Variants in GRAMD2B observed in about 807,000 individuals in gnomAD.
The protein encoded by GRAMD2B is GRAM domain-containing protein 2B.
A neutral mutation model predicts 59.2 loss-of-function variants in GRAMD2B; 41 were observed. The ratio of observed to expected loss-of-function variants is 0.69; its 90% CI spans 0.54 to 0.90. The LOEUF (loss-of-function observed/expected upper bound fraction) is 0.90, where lower values mean the gene tolerates loss of function less well. Ranked by LOEUF, GRAMD2B falls within the 40% of genes least tolerant of loss-of-function variation. The pLI is 0.00. For synonymous variants in GRAMD2B, 161 were observed against 182.7 expected (o/e 0.88, Z 0.96); for missense variants, 424 against 500.5 (o/e 0.85, Z 1.46).
intron 9 of GRAMD2B, 67 bp downstream of exon 9, chr5:126,483,641 T>TAAAAAA: frequency 1.8e-6 from 1 of 554,602 alleles, no homozygotes; most frequent in Non-Finnish European, 2.9e-6. Flanking sequence ...CCCACCCCCT[T>TAAAAAA]AAAAAAAAAA....
chr5:126,439,275 G>A (rs1231908152), intron 1 of GRAMD2B, among the ~76,000 whole-genome samples: 2 of 150,416 alleles, frequency 1.3e-5, no homozygotes, highest in East Asian at 3.9e-4. Flanking sequence ...TTTCATATAT[G>A]TCTATATGTT....
chr5:126,479,733 A>G (rs1771362778), intron 6 of GRAMD2B, among the ~76,000 whole-genome samples: 1 of 152,254 alleles, frequency 6.6e-6, no homozygotes, highest in South Asian at 2.1e-4. Context: ...TCATTGGTGA[A>G]TGAGAAGGAT....
upstream of GRAMD2B, among the ~76,000 whole-genome samples, chr5:126,422,263 CTT>C (rs1580883100): frequency 6.7e-6 from 1 of 149,386 alleles, no homozygotes; most frequent in East Asian, 2.0e-4. Flanking sequence ...AGTGGTGCAT[CTT>C]GGCCCACCAC....
intron 1 of GRAMD2B, among the ~76,000 whole-genome samples, chr5:126,362,395 T>C (rs186217772): frequency 1.3e-5 from 2 of 152,348 alleles, no homozygotes; most frequent in East Asian, 3.9e-4. Flanking sequence ...TTTAATTTCA[T>C]GCTTTCTAAA....
At chr5:126,471,734 C>T (rs542666277) in intron 3 of GRAMD2B, among the ~76,000 whole-genome samples, 7 of 152,268 alleles carry the variant, frequency 4.6e-5, no homozygotes, top group African/African-American at 1.4e-4. Flanking sequence ...TGTTTTTGCC[C>T]TCTGGTACAG....
intron 1 of GRAMD2B, among the ~76,000 whole-genome samples, chr5:126,363,495 T>C (rs1754313126): frequency 6.6e-6 from 1 of 152,184 alleles, no homozygotes; most frequent in South Asian, 2.1e-4. Context: ...CATAAAAACT[T>C]GTACACAAAT....
chr5:126,464,807 A>G (rs1036093646), intron 1 of GRAMD2B, among the ~76,000 whole-genome samples: 31 of 152,304 alleles, frequency 2.0e-4, no homozygotes, highest in African/African-American at 7.0e-4. Flanking sequence ...AAGGTTTTGC[A>G]GACAGACATA....
chr5:126,442,293 CTT>C (rs11325974), intron 1 of GRAMD2B, among the ~76,000 whole-genome samples: 78 of 140,968 alleles, frequency 5.5e-4, no homozygotes, highest in African/African-American at 1.6e-3. Context: ...TCTTTTTTTT[CTT>C]TTTTTTTTTT....
rs778618661 is a variant in GRAMD2B at position 126,485,669 on chromosome 5, T to C, written c.971-17T>C. Reference sequence around the variant, plus strand: ...GTTATGGTTTTAAACAGTTGTTTTTTGTTTTCCTCCCAACAGGTCTGTCAG... The same window carrying C: ...GTTATGGTTTTAAACAGTTGTTTTTCGTTTTCCTCCCAACAGGTCTGTCAG... On this transcript the variant is annotated splice_polypyrimidine_tract_variant and intron_variant, in intron 10 of 13. Coordinates refer to ENST00000285689, the MANE Select transcript of GRAMD2B (RefSeq NM_023927.4). The C allele has an allele frequency of 1.3e-6, 2 of 1,565,652 alleles. No homozygotes were observed. Among genetic ancestry groups the C allele is most frequent in the Admixed American group, 3.4e-5 (2 of 59,078 alleles).
chr5:126,484,925 C>T (rs1772612891), intron 10 of GRAMD2B, among the ~76,000 whole-genome samples: 1 of 152,138 alleles, frequency 6.6e-6, no homozygotes, highest in Non-Finnish European at 1.5e-5. Context: ...TTTTCATATT[C>T]CCTTTCCTCC....
rs957630299 is a variant in GRAMD2B, at chr5:126,480,826, C to G, written c.735+119C>G. ...GCTTAGGACCAAAATATTTGAGGTA[C>G]AGTTGAAGAAACAGGGCATATCTTC... is the stretch of plus-strand genomic sequence containing the variant. On this transcript the variant is annotated intron_variant, in intron 8 of 13. Coordinates refer to ENST00000285689, the MANE Select transcript of GRAMD2B (RefSeq NM_023927.4). 1.2e-5 allele frequency: 10 copies of G among 800,950 alleles called. No homozygotes were observed. In the South Asian group the frequency reaches 1.3e-4, roughly 10 times the overall value. 49.6% of individuals were successfully genotyped at this position (800,950 alleles called of 1,614,324 possible). A position where few individuals can be genotyped will look rare whatever the true frequency, so the allele number is the denominator to read the frequency against.
intron 1 of GRAMD2B, among the ~76,000 whole-genome samples, chr5:126,431,267 A>G (rs1231963897): frequency 6.6e-6 from 1 of 152,198 alleles, no homozygotes; most frequent in Non-Finnish European, 1.5e-5. Context: ...TGTTATGATT[A>G]AGTGTGATCA....
chr5:126,415,794 T>A (rs1451819638), intron 1 of GRAMD2B, among the ~76,000 whole-genome samples: 1 of 152,006 alleles, frequency 6.6e-6, no homozygotes, highest in Admixed American at 6.6e-5. Flanking sequence ...GATAACGAAA[T>A]GCTGTAATAA....
At chr5:126,481,870 A>G (rs1410764797) in intron 8 of GRAMD2B, among the ~76,000 whole-genome samples, 1 of 151,378 alleles carries the variant, frequency 6.6e-6, no homozygotes, top group Non-Finnish European at 1.5e-5. Context: ...CAGGAGGCCG[A>G]GGCAGGAGAA....
intron 1 of GRAMD2B, among the ~76,000 whole-genome samples, chr5:126,372,923 A>G (rs1021172980): frequency 3.9e-5 from 6 of 152,200 alleles, no homozygotes. Context: ...AAATGTATCA[A>G]CAAACAAATA....
At chr5:126,476,969 G>A (rs1770746577) in intron 5 of GRAMD2B, among the ~76,000 whole-genome samples, 1 of 152,166 alleles carries the variant, frequency 6.6e-6, no homozygotes, top group Admixed American at 6.6e-5. Context: ...TAGCTTACAA[G>A]GGGGAGTAGG....
chr5:126,426,369 C>T (rs924102249), intron 1 of GRAMD2B, among the ~76,000 whole-genome samples: 2 of 152,180 alleles, frequency 1.3e-5, no homozygotes, highest in African/African-American at 4.8e-5. Flanking sequence ...TCCTTCATTA[C>T]TGGCCATACT....
intron 13 of GRAMD2B, among the ~76,000 whole-genome samples, chr5:126,489,681 G>A (rs1460680340): frequency 6.6e-6 from 1 of 152,224 alleles, no homozygotes; most frequent in Non-Finnish European, 1.5e-5. Context: ...GTGAGCTGGA[G>A]AAGAAGATAG....
At chr5:126,406,646 C>A (rs775577528) in intron 1 of GRAMD2B, among the ~76,000 whole-genome samples, 34 of 152,092 alleles carry the variant, frequency 2.2e-4, no homozygotes, top group Non-Finnish European at 3.7e-4. Flanking sequence ...GTACTATTTA[C>A]AGAGCTTACT....
Sources: allele counts gnomAD v4.1 joint callset (sites outside exome capture counted in the v4.1 genomes callset), GRCh38; gene constraint gnomAD v4.1.1; transcripts MANE v1.5; gene names NCBI Gene and HGNC (gene_info 2026-07-23, HGNC 2026-07-21).